SNTG1: variants seen among roughly 807,000 people sequenced by gnomAD.
SNTG1 encodes the protein gamma-1-syntrophin.
SNTG1 carries 39 observed loss-of-function variants against 74.7 expected under a neutral mutation model. The observed-to-expected ratio is 0.52, with a 90% CI of 0.40 to 0.68. The LOEUF (loss-of-function observed/expected upper bound fraction) is 0.68, where lower values mean the gene tolerates loss of function less well. Among genes scored for constraint, SNTG1 ranks in the 30% least tolerant of loss-of-function variants. The pLI is 0.00. For missense variants in SNTG1, 685 were observed against 609.5 expected (o/e 1.12, Z -1.30); for synonymous variants, 254 against 217.1 (o/e 1.17, Z -1.49).
chr8:49,910,116 G>A (rs3812426), upstream of SNTG1, among the ~76,000 whole-genome samples: 96,725 of 152,134 alleles, frequency 0.64, 34,599 homozygotes, highest in East Asian at 0.86. Flanking sequence ...CAGCGGGAAC[G>A]CGCTCTAATC....
chr8:50,460,497 C>T (rs1308929398), intron 8 of SNTG1, among the ~76,000 whole-genome samples: 1 of 152,086 alleles, frequency 6.6e-6, no homozygotes, highest in African/African-American at 2.4e-5. Flanking sequence ...AATTAGGTCT[C>T]ACTTGTCAAT....
chr8:50,484,137 C>CTTTCTTTCTTTCTTTCTTTCCTTCT (rs1563453444), intron 8 of SNTG1, among the ~76,000 whole-genome samples: 1 of 55,868 alleles, frequency 1.8e-5, no homozygotes, highest in African/African-American at 5.5e-5. Flanking sequence ...TCTTTCTTTC[C>CTTTCTTTCTTTCTTTCTTTCCTTCT]TTCTTTCTTT....
chr8:50,076,038 C>G (rs533339148), intron 1 of SNTG1, among the ~76,000 whole-genome samples: 3 of 152,262 alleles, frequency 2.0e-5, no homozygotes, highest in African/African-American at 7.2e-5. Flanking sequence ...ATACAAGGTG[C>G]AAATTGACCA....
At chr8:50,514,000 C>T (rs2094109879) in intron 9 of SNTG1, among the ~76,000 whole-genome samples, 2 of 152,226 alleles carry the variant, frequency 1.3e-5, no homozygotes, top group African/African-American at 4.8e-5. Flanking sequence ...CCGTCTTCTG[C>T]ATCGCTCATG....
At chr8:50,143,106 A>T (rs1294248355) in intron 1 of SNTG1, among the ~76,000 whole-genome samples, 2 of 152,008 alleles carry the variant, frequency 1.3e-5, no homozygotes, top group African/African-American at 2.4e-5. Context: ...AATAAAAATA[A>T]AAAATAAATA....
intron 15 of SNTG1, among the ~76,000 whole-genome samples, chr8:50,692,998 C>T (rs911439429): frequency 6.6e-6 from 1 of 152,164 alleles, no homozygotes; most frequent in African/African-American, 2.4e-5. Context: ...AGATTGATCT[C>T]GGACTGCTGT....
chr8:49,970,490 A>C (rs1811563778), intron 1 of SNTG1, among the ~76,000 whole-genome samples: 1 of 152,170 alleles, frequency 6.6e-6, no homozygotes, highest in African/African-American at 2.4e-5. Flanking sequence ...CAGTTGTTTT[A>C]GATTATTGTT....
chr8:50,414,527 C>A (rs1351526400), intron 4 of SNTG1, among the ~76,000 whole-genome samples: 1 of 152,018 alleles, frequency 6.6e-6, no homozygotes, highest in Non-Finnish European at 1.5e-5. Context: ...GCCTTTGGGT[C>A]TCTGCTCGTA....
At chr8:50,403,885 G>T (rs186616077) in intron 4 of SNTG1, among the ~76,000 whole-genome samples, 152 of 152,242 alleles carry the variant, frequency 1.0e-3, no homozygotes, top group Non-Finnish European at 1.9e-3. Context: ...TTTTCTCTGA[G>T]ATTGAAAGCA....
intron 2 of SNTG1, among the ~76,000 whole-genome samples, chr8:50,385,277 C>A (rs987780896): frequency 2.6e-5 from 4 of 152,170 alleles, no homozygotes; most frequent in Admixed American, 6.5e-5. Context: ...CATAGTAGTC[C>A]ACCCAAATGA....
intron 1 of SNTG1, among the ~76,000 whole-genome samples, chr8:50,076,381 C>T (rs1475240870): frequency 6.6e-6 from 1 of 152,070 alleles, no homozygotes; most frequent in African/African-American, 2.4e-5. Flanking sequence ...TAAGGTTGGA[C>T]AATGTAGGTT....
At chr8:50,431,238 T>C (rs2093231755) in intron 4 of SNTG1, among the ~76,000 whole-genome samples, 1 of 152,218 alleles carries the variant, frequency 6.6e-6, no homozygotes, top group Admixed American at 6.5e-5. Context: ...TAATATCATA[T>C]AGAATAGTTT....
At chr8:50,141,400 G>A (rs1268273049) in intron 1 of SNTG1, among the ~76,000 whole-genome samples, 2 of 152,058 alleles carry the variant, frequency 1.3e-5, no homozygotes, top group Non-Finnish European at 2.9e-5. Flanking sequence ...TCTAGTAGGT[G>A]TGCAATTGTT....
chr8:50,707,799 A>G (rs1300297335), intron 16 of SNTG1: 4 of 327,388 alleles, frequency 1.2e-5, no homozygotes, highest in African/African-American at 2.1e-5. Flanking sequence ...AAATGCAAAT[A>G]AAACTGGCTT....
intron 13 of SNTG1, among the ~76,000 whole-genome samples, chr8:50,638,029 G>A (rs149516295): frequency 6.6e-4 from 101 of 152,112 alleles, no homozygotes; most frequent in African/African-American, 2.2e-3. Flanking sequence ...ATGTATCCAC[G>A]TCCATACCCC....
chr8:50,554,746 G>T (rs994188659), intron 12 of SNTG1, among the ~76,000 whole-genome samples: 1 of 152,098 alleles, frequency 6.6e-6, no homozygotes, highest in Non-Finnish European at 1.5e-5. Context: ...CCTCTCCTTC[G>T]ACTGACTTAT....
At chr8:50,292,254 A>T (rs1204795557) in intron 2 of SNTG1, among the ~76,000 whole-genome samples, 3 of 152,138 alleles carry the variant, frequency 2.0e-5, no homozygotes, top group Non-Finnish European at 4.4e-5. Context: ...TTGGTGCAAC[A>T]TTTAACTGTA....
intron 1 of SNTG1, among the ~76,000 whole-genome samples, chr8:50,128,085 A>T (rs1423961123): frequency 6.6e-6 from 1 of 152,162 alleles, no homozygotes; most frequent in Admixed American, 6.6e-5. Flanking sequence ...ACTGCATATT[A>T]AGTTTCTAAT....
At position 50,420,077 on chromosome 8, in the gene SNTG1, C is replaced by T. The variant is rs376116308; in HGVS notation, c.162+17733C>T. ...TTCTAACATGTATTTGAGCAGAGTC[C>T]CCTGAGAAGAAAAAGAGTTCAGACT... On this transcript the variant is annotated intron_variant, in intron 4 of 18. Transcript: ENST00000642720. Among the ~76,000 whole-genome samples the T allele has an allele frequency of 4.4e-3, 670 of 151,848 alleles. 3 individuals are homozygous for T. The highest frequency in any genetic ancestry group is 0.014 in the African/African-American group (581 of 41,430).
Sources: allele counts gnomAD v4.1 joint callset (sites outside exome capture counted in the v4.1 genomes callset), GRCh38; gene constraint gnomAD v4.1.1; transcripts MANE v1.5; gene names NCBI Gene and HGNC (gene_info 2026-07-23, HGNC 2026-07-21).